The following SPMIP2 variants were observed in gnomAD, a reference collection of about 807,000 sequenced individuals.
SPMIP2 encodes protein SPMIP2.
the SPMIP2 span, among the ~76,000 whole-genome samples, chr4:158,975,644 T>A: frequency 3.3e-5 from 5 of 152,344 alleles, no homozygotes; most frequent in African/African-American, 1.2e-4. Flanking sequence ...CTCTGTTCTG[T>A]ACCATTGGTC....
chr4:159,025,986 C>T, the SPMIP2 span, among the ~76,000 whole-genome samples: 1 of 152,188 alleles, frequency 6.6e-6, no homozygotes, highest in Non-Finnish European at 1.5e-5. Context: ...ATAATTTTTT[C>T]ACATCCTGTT....
At chr4:159,036,105 C>T in the SPMIP2 span, among the ~76,000 whole-genome samples, 568 of 152,234 alleles carry the variant, frequency 3.7e-3, 3 homozygotes, top group African/African-American at 0.013. Context: ...ACCTGATAAT[C>T]CATTGAAGAT....
chr4:158,898,025 T>C, the SPMIP2 span, among the ~76,000 whole-genome samples: 2 of 152,176 alleles, frequency 1.3e-5, no homozygotes, highest in Admixed American at 6.5e-5. Context: ...AAAGGTGTAA[T>C]GAAGGGTTCC....
the SPMIP2 span, among the ~76,000 whole-genome samples, chr4:159,082,205 C>T: frequency 6.7e-6 from 1 of 150,024 alleles, no homozygotes; most frequent in Non-Finnish European, 1.5e-5. Flanking sequence ...TGGTGGCAGG[C>T]ACCTGTAATC....
the SPMIP2 span, among the ~76,000 whole-genome samples, chr4:159,062,939 C>T: frequency 2.0e-5 from 3 of 151,384 alleles, no homozygotes; most frequent in Non-Finnish European, 2.9e-5. Context: ...CGGATACACC[C>T]ATCTCAGCCT....
At chr4:159,031,833 G>T in the SPMIP2 span, among the ~76,000 whole-genome samples, 6 of 152,148 alleles carry the variant, frequency 3.9e-5, no homozygotes, top group Non-Finnish European at 8.8e-5. Flanking sequence ...GTTCATTGGC[G>T]TGTGTTTTAA....
the SPMIP2 span, among the ~76,000 whole-genome samples, chr4:158,895,470 T>C: frequency 1.3e-5 from 2 of 152,208 alleles, no homozygotes; most frequent in African/African-American, 2.4e-5. Flanking sequence ...AGAAACACTT[T>C]TGGAATGATT....
At chr4:158,939,352 C>A in the SPMIP2 span, among the ~76,000 whole-genome samples, 7 of 152,158 alleles carry the variant, frequency 4.6e-5, no homozygotes, top group Non-Finnish European at 7.4e-5. Flanking sequence ...CATTCAACTT[C>A]AAAAAATATC....
At chr4:158,912,078 A>G in the SPMIP2 span, among the ~76,000 whole-genome samples, 717 of 152,328 alleles carry the variant, frequency 4.7e-3, 5 homozygotes, top group African/African-American at 0.016. Context: ...TGAAGGAAAA[A>G]AACAACCAGA....
At chr4:159,047,764 G>A in the SPMIP2 span, among the ~76,000 whole-genome samples, 3 of 152,180 alleles carry the variant, frequency 2.0e-5, no homozygotes, top group Non-Finnish European at 4.4e-5. Flanking sequence ...CAGTTCTATG[G>A]AGAGCCCTGC....
the SPMIP2 span, among the ~76,000 whole-genome samples, chr4:159,081,483 A>T: frequency 2.0e-5 from 3 of 152,038 alleles, no homozygotes; most frequent in Admixed American, 1.3e-4. Context: ...TAGGCTCAGG[A>T]GTTCAAGACC....
the SPMIP2 span, among the ~76,000 whole-genome samples, chr4:158,996,518 G>C: frequency 0.66 from 100,865 of 152,084 alleles, 33,565 homozygotes; most frequent in Middle Eastern, 0.73. Context: ...CCATTTGAGT[G>C]CTGCAAGTAA....
chr4:159,042,269 G>C, the SPMIP2 span, among the ~76,000 whole-genome samples: 1 of 152,222 alleles, frequency 6.6e-6, no homozygotes, highest in Non-Finnish European at 1.5e-5. Flanking sequence ...GGAGGTCCCA[G>C]ATGCCCACGC....
chr4:159,068,303 A>T, the SPMIP2 span, among the ~76,000 whole-genome samples: 1 of 152,226 alleles, frequency 6.6e-6, no homozygotes, highest in Admixed American at 6.5e-5. Context: ...AATGTGGCAC[A>T]TATACACCAT....
chr4:158,977,065 TTG>T, the SPMIP2 span, among the ~76,000 whole-genome samples: 5 of 152,210 alleles, frequency 3.3e-5, no homozygotes, highest in African/African-American at 1.2e-4. Flanking sequence ...TCTTTTTTTG[TTG>T]TGTCTCTGCC....
At chr4:158,895,528 T>G in the SPMIP2 span, among the ~76,000 whole-genome samples, 11 of 152,244 alleles carry the variant, frequency 7.2e-5, no homozygotes, top group African/African-American at 2.2e-4. Context: ...ATAATACATA[T>G]GTAAATCTTA....
At chr4:159,022,498 C>G in the SPMIP2 span, among the ~76,000 whole-genome samples, 1 of 152,180 alleles carries the variant, frequency 6.6e-6, no homozygotes, top group Non-Finnish European at 1.5e-5. Flanking sequence ...TCCTACTGCT[C>G]TGGGCCTACT....
chr4:158,977,064 G>A, the SPMIP2 span, among the ~76,000 whole-genome samples: 5 of 152,040 alleles, frequency 3.3e-5, no homozygotes, highest in Admixed American at 1.3e-4. Flanking sequence ...TTCTTTTTTT[G>A]TTGTGTCTCT....
At chr4:158,970,098 T>G in the SPMIP2 span, among the ~76,000 whole-genome samples, 2 of 152,174 alleles carry the variant, frequency 1.3e-5, no homozygotes, top group South Asian at 4.1e-4. Context: ...TTGTATAGTC[T>G]TTGTAATTAG....
Sources: allele counts gnomAD v4.1 joint callset (sites outside exome capture counted in the v4.1 genomes callset), GRCh38; gene constraint gnomAD v4.1.1; transcripts MANE v1.5; gene names NCBI Gene and HGNC (gene_info 2026-07-23, HGNC 2026-07-21).